DNAH6: variants seen among roughly 807,000 people sequenced by gnomAD.
The protein encoded by DNAH6 is dynein axonemal heavy chain 6, also known as axonemal beta dynein heavy chain 6.
A neutral mutation model predicts 491.4 loss-of-function variants in DNAH6; 340 were observed. That is an observed-to-expected ratio of 0.69 (90% CI 0.63 to 0.76). DNAH6 has a LOEUF of 0.76. DNAH6 is among the 30% of genes least tolerant of loss of function. DNAH6 has a pLI of 0.00. For synonymous variants in DNAH6, 1,603 were observed against 1,686.1 expected, an observed-to-expected ratio of 0.95 and a Z score of 1.21; for missense variants, 4,443 against 4,972.2, an observed-to-expected ratio of 0.89 and a Z score of 3.20.
chr2:84,509,337 C>T, the DNAH6 span, among the ~76,000 whole-genome samples: 1 of 152,118 alleles, frequency 6.6e-6, no homozygotes, highest in Non-Finnish European at 1.5e-5. Flanking sequence ...ATGTAATGGC[C>T]TTGTCTCTTT....
At chr2:84,544,539 C>CAAA (rs1558689207) in intron 5 of DNAH6, 39 bp downstream of exon 5, 2 of 1,167,302 alleles carry the variant, frequency 1.7e-6, no homozygotes, top group Non-Finnish European at 2.4e-6. Flanking sequence ...TAATTACTTA[C>CAAA]AAAAAAAGAA....
intron 60 of DNAH6, 63 bp from the exon 61 acceptor site, chr2:84,727,605 AT>A: frequency 1.9e-6 from 2 of 1,055,234 alleles, no homozygotes; most frequent in South Asian, 1.5e-5. Flanking sequence ...AGGGAGACAG[AT>A]TTTTTGTTCT....
intron 37 of DNAH6, among the ~76,000 whole-genome samples, chr2:84,667,263 T>C (rs1234756049): frequency 6.6e-6 from 1 of 152,042 alleles, no homozygotes; most frequent in East Asian, 1.9e-4. Context: ...CTAATTAAAC[T>C]AAAGAGCTTC....
At chr2:84,720,802 A>T (rs1312838252) in intron 59 of DNAH6, among the ~76,000 whole-genome samples, 4 of 152,054 alleles carry the variant, frequency 2.6e-5, no homozygotes, top group Admixed American at 2.6e-4. Flanking sequence ...GCCTTTTCCT[A>T]CAATTTTATT....
intron 75 of DNAH6, among the ~76,000 whole-genome samples, chr2:84,814,634 C>A (rs1559072895): frequency 1.3e-5 from 2 of 152,184 alleles, no homozygotes; most frequent in Non-Finnish European, 2.9e-5. Flanking sequence ...CTTTCCGGGA[C>A]CAGCCTGCCC....
the DNAH6 span, among the ~76,000 whole-genome samples, chr2:84,470,680 TCATC>T: frequency 6.6e-6 from 1 of 152,220 alleles, no homozygotes; most frequent in Non-Finnish European, 1.5e-5. Flanking sequence ...ACCTCGTATC[TCATC>T]CTGTGACTTA....
chr2:84,511,426 A>G, the DNAH6 span, among the ~76,000 whole-genome samples: 2 of 139,752 alleles, frequency 1.4e-5, no homozygotes, highest in Non-Finnish European at 2.9e-5. Context: ...TTGGAAAAGC[A>G]CAGTATTAGG....
intron 71 of DNAH6, among the ~76,000 whole-genome samples, chr2:84,807,547 C>G (rs909371363): frequency 1.3e-5 from 2 of 152,200 alleles, no homozygotes; most frequent in East Asian, 3.8e-4. Flanking sequence ...GTCTCAGTCT[C>G]CTGCCCCCAA....
intron 39 of DNAH6, among the ~76,000 whole-genome samples, chr2:84,671,211 G>T (rs556638639): frequency 6.6e-6 from 1 of 152,296 alleles, no homozygotes; most frequent in South Asian, 2.1e-4. Flanking sequence ...TCTCTAGCTG[G>T]CACTGAGTGG....
At chr2:84,740,937 T>A (rs1318232417) in intron 62 of DNAH6, among the ~76,000 whole-genome samples, 1 of 152,144 alleles carries the variant, frequency 6.6e-6, no homozygotes, top group Admixed American at 6.5e-5. Context: ...AGCACTTTAA[T>A]CTCACCTAAG....
intron 29 of DNAH6, among the ~76,000 whole-genome samples, chr2:84,634,110 A>C (rs1271079272): frequency 3.3e-5 from 5 of 152,248 alleles, no homozygotes; most frequent in Non-Finnish European, 5.9e-5. Context: ...TGTGTCTGCC[A>C]TGTAGAATAC....
chr2:84,762,981 G>T, intron 64 of DNAH6, 36 bp downstream of exon 64: 1 of 1,467,672 alleles, frequency 6.8e-7, no homozygotes, highest in South Asian at 1.2e-5. Context: ...TAATGCAAAT[G>T]CATATGAACA....
chr2:84,709,896 T>C (rs936125931), intron 55 of DNAH6, among the ~76,000 whole-genome samples: 2 of 152,208 alleles, frequency 1.3e-5, no homozygotes, highest in African/African-American at 4.8e-5. Context: ...AGTCAGGGTA[T>C]GATCAAATTT....
intron 47 of DNAH6, chr2:84,697,991 A>T (rs1695549200): frequency 4.1e-6 from 2 of 489,918 alleles, no homozygotes; most frequent in Admixed American, 6.8e-5. Flanking sequence ...AGCCTCTCTT[A>T]TTCCTCTTTA....
chr2:84,535,705 A>G (rs1195444549), intron 4 of DNAH6, among the ~76,000 whole-genome samples: 2 of 151,768 alleles, frequency 1.3e-5, no homozygotes, highest in Non-Finnish European at 2.9e-5. Context: ...AAAATCAGTA[A>G]CATCATTAGT....
intron 10 of DNAH6, among the ~76,000 whole-genome samples, chr2:84,554,886 G>T (rs1310214087): frequency 6.6e-6 from 1 of 152,190 alleles, no homozygotes; most frequent in Non-Finnish European, 1.5e-5. Flanking sequence ...ACCCCCAAGG[G>T]GTGGGCCTCA....
intron 58 of DNAH6, among the ~76,000 whole-genome samples, chr2:84,716,318 T>C (rs1023757449): frequency 6.6e-6 from 1 of 151,178 alleles, no homozygotes; most frequent in African/African-American, 2.4e-5. Context: ...ATAATAACAT[T>C]GATGTTGATT....
chr2:84,477,041 G>A, the DNAH6 span, among the ~76,000 whole-genome samples: 3 of 152,152 alleles, frequency 2.0e-5, no homozygotes, highest in Non-Finnish European at 4.4e-5. Flanking sequence ...GGAATGTTGG[G>A]GGCAGGTGGG....
intron 63 of DNAH6, among the ~76,000 whole-genome samples, chr2:84,746,789 A>G (rs753714105): frequency 6.6e-6 from 1 of 152,144 alleles, no homozygotes; most frequent in Non-Finnish European, 1.5e-5. Context: ...CTGCGGCTGT[A>G]CAAGCATGAC....
Sources: allele counts gnomAD v4.1 joint callset (sites outside exome capture counted in the v4.1 genomes callset), GRCh38; gene constraint gnomAD v4.1.1; transcripts MANE v1.5; gene names NCBI Gene and HGNC (gene_info 2026-07-23, HGNC 2026-07-21).